TMTC1: variants seen among roughly 807,000 people sequenced by gnomAD.
TMTC1 encodes protein O-mannosyl-transferase TMTC1.
In TMTC1, 73 loss-of-function variants were observed where a neutral mutation model predicts 104.8. The observed-to-expected ratio is 0.70, with a 90% CI of 0.58 to 0.85. TMTC1 has a LOEUF of 0.85. Among genes scored for constraint, TMTC1 ranks in the 40% least tolerant of loss-of-function variants. The pLI is 0.00. For missense variants in TMTC1, 1,035 were observed against 1,096.1 expected (o/e 0.94, Z 0.79); for synonymous variants, 434 against 428.7 (o/e 1.01, Z -0.15).
At chr12:29,632,552 C>A (rs1214952245) in intron 6 of TMTC1, among the ~76,000 whole-genome samples, 7 of 152,170 alleles carry the variant, frequency 4.6e-5, no homozygotes, top group Non-Finnish European at 4.4e-5. Flanking sequence ...ATGTTTGCTT[C>A]CCCTTCTGCC....
chr12:29,660,772 A>C, intron 5 of TMTC1: 1 of 848,420 alleles, frequency 1.2e-6, no homozygotes, highest in Non-Finnish European at 1.6e-6. Flanking sequence ...CAGATATTTC[A>C]AAAGTATATA....
chr12:29,523,790 C>T lies in TMTC1; in HGVS notation c.1786-3070G>A, dbSNP rs189340126. The stretch of plus-strand genomic sequence containing the variant: ...TTTTGGAGGGCAGAAAGAAAATTCG[C>T]GTCTATTTTAGGACTTACCTGTTTA... On this transcript the variant is annotated intron_variant, in intron 11 of 17. Transcript: ENST00000539277. 5.5e-3 allele frequency among the ~76,000 whole-genome samples: 829 copies of T among 151,992 alleles called. 2 individuals carry two copies. Among genetic ancestry groups the T allele is most frequent in the Non-Finnish European group, 7.1e-3 (481 of 67,956 alleles).
intron 8 of TMTC1, among the ~76,000 whole-genome samples, chr12:29,573,814 C>T (rs1394719317): frequency 2.6e-5 from 4 of 152,040 alleles, no homozygotes; most frequent in Non-Finnish European, 4.4e-5. Flanking sequence ...CTGTGAGTCA[C>T]ACTGGAGACT....
intron 11 of TMTC1, chr12:29,533,813 C>G (rs939028424): frequency 6.6e-6 from 1 of 152,174 alleles, no homozygotes; most frequent in Non-Finnish European, 1.5e-5. Context: ...TCAGAAATGT[C>G]AGGCTGATAT....
intron 5 of TMTC1, among the ~76,000 whole-genome samples, chr12:29,638,058 G>A (rs192395109): frequency 3.3e-5 from 5 of 152,188 alleles, no homozygotes; most frequent in East Asian, 1.9e-4. Flanking sequence ...CATGGGAGGC[G>A]GGCAGGGAAG....
chr12:29,761,581 C>T (rs1439927399), intron 2 of TMTC1, among the ~76,000 whole-genome samples: 3 of 12,280 alleles, frequency 2.4e-4, no homozygotes, highest in Non-Finnish European at 7.1e-4. Flanking sequence ...ATGCATTTCT[C>T]GTTTTTTTTT....
rs764796152 is a variant in TMTC1, at chr12:29,758,717, G to C, written c.541C>G (p.Leu181Val). Residue 181 changes from leucine to valine, a missense_variant, in exon 3 of 18, where the codon CTC becomes GTC. Coordinates refer to ENST00000539277, the MANE Select transcript of TMTC1 (RefSeq NM_001193451.2). Reference sequence around the variant, plus strand: ...AGCTACACATACCTGTTGTACGAGAGAAAGGCCAATAGAAACAGCAGACAC... The same window carrying C: ...AGCTACACATACCTGTTGTACGAGACAAAGGCCAATAGAAACAGCAGACAC... Reference protein sequence around the residue: ...LACLLFLLAFLSYNRSLDQGC... With the variant: ...LACLLFLLAFVSYNRSLDQGC... The C allele has an allele frequency of 1.9e-6, 3 of 1,613,746 alleles. No homozygotes were observed. The highest frequency in any genetic ancestry group is 2.2e-5 in the South Asian group (2 of 91,010).
In TMTC1 at chr12:29,737,784, G is replaced by A. The variant is rs114673637; in HGVS notation, c.938+13882C>T. ...TGCTGAGCGAATGATATGAGCTCCCGGAGCCTTGCTTTCCACATGTAGGAA... is the reference window on the plus strand; with the variant it reads ...TGCTGAGCGAATGATATGAGCTCCCAGAGCCTTGCTTTCCACATGTAGGAA... On this transcript the variant is annotated intron_variant, in intron 5 of 17. Transcript: ENST00000539277. 3.3e-3 allele frequency among the ~76,000 whole-genome samples: 509 copies of A among 152,246 alleles called. 3 individuals are homozygous for A. Among genetic ancestry groups the A allele is most frequent in the South Asian group, 0.019 (93 of 4,822 alleles).
chr12:29,546,774 C>T (rs771910933), intron 10 of TMTC1, among the ~76,000 whole-genome samples: 14 of 152,082 alleles, frequency 9.2e-5, no homozygotes, highest in Admixed American at 2.6e-4. Context: ...CCCAGCTACT[C>T]GGGAGGCTGA....
At chr12:29,540,090 G>C (rs1944755019) in intron 10 of TMTC1, among the ~76,000 whole-genome samples, 1 of 152,056 alleles carries the variant, frequency 6.6e-6, no homozygotes, top group Non-Finnish European at 1.5e-5. Context: ...AAATATGGTA[G>C]GAAAATGCTA....
chr12:29,728,833 CAAAAA>C (rs113484573), intron 5 of TMTC1, among the ~76,000 whole-genome samples: 2 of 129,562 alleles, frequency 1.5e-5, no homozygotes, highest in South Asian at 5.0e-4. Context: ...CGCCGTCCTA[CAAAAA>C]AAAAAAAAAA....
intron 11 of TMTC1, among the ~76,000 whole-genome samples, chr12:29,532,376 T>C (rs1048572888): frequency 6.6e-6 from 1 of 152,096 alleles, no homozygotes; most frequent in Non-Finnish European, 1.5e-5. Context: ...AGGAAATGAT[T>C]CAAAATATTG....
At chr12:29,664,793 T>C (rs1384121853) in intron 5 of TMTC1, among the ~76,000 whole-genome samples, 1 of 152,220 alleles carries the variant, frequency 6.6e-6, no homozygotes, top group Non-Finnish European at 1.5e-5. Flanking sequence ...GTACCTAAAA[T>C]TGTCTTCAAA....
At chr12:29,586,925 G>T (rs1375171556) in intron 7 of TMTC1, among the ~76,000 whole-genome samples, 1 of 152,044 alleles carries the variant, frequency 6.6e-6, no homozygotes, top group Non-Finnish European at 1.5e-5. Context: ...GCCAGGCTTT[G>T]GTATCAGGAT....
chr12:29,762,298 A>G (rs968731085), intron 2 of TMTC1, among the ~76,000 whole-genome samples: 1 of 152,198 alleles, frequency 6.6e-6, no homozygotes, highest in African/African-American at 2.4e-5. Flanking sequence ...CCACTCCCTC[A>G]GGGTGGTTGT....
intron 5 of TMTC1, among the ~76,000 whole-genome samples, chr12:29,747,492 A>T (rs1438841235): frequency 6.6e-6 from 1 of 152,198 alleles, no homozygotes; most frequent in Non-Finnish European, 1.5e-5. Flanking sequence ...CCTGTATTAG[A>T]TAACTTCTGA....
chr12:29,556,319 G>A (rs1945245354), intron 10 of TMTC1, among the ~76,000 whole-genome samples: 1 of 152,304 alleles, frequency 6.6e-6, no homozygotes, highest in African/African-American at 2.4e-5. Flanking sequence ...ATTCCAGCAA[G>A]CACCACTTTA....
At chr12:29,710,848 T>A (rs1468423960) in intron 5 of TMTC1, among the ~76,000 whole-genome samples, 1 of 136,574 alleles carries the variant, frequency 7.3e-6, no homozygotes, top group African/African-American at 2.8e-5. Context: ...ATATTAATAA[T>A]ATATAAATAT....
At chr12:29,626,844 T>C (rs537295316) in intron 6 of TMTC1, among the ~76,000 whole-genome samples, 74 of 152,330 alleles carry the variant, frequency 4.9e-4, no homozygotes, top group Admixed American at 1.2e-3. Flanking sequence ...CTCATGCCTG[T>C]AATCCCAGCA....
Sources: gnomAD v4.1 joint callset for allele counts (sites outside exome capture counted in the v4.1 genomes callset) on GRCh38, gnomAD v4.1.1 for gene constraint, MANE v1.5 for transcripts, NCBI Gene and HGNC (gene_info 2026-07-23, HGNC 2026-07-21) for gene names.